Variants in SYNRG observed in about 807,000 individuals in gnomAD.
The protein encoded by SYNRG is AP1 gamma subunit binding protein 1.
SYNRG carries 37 observed loss-of-function variants against 130.9 expected under a neutral mutation model. The observed-to-expected ratio is 0.28, with a 90% CI of 0.22 to 0.37. The LOEUF is 0.37. Ranked by LOEUF, SYNRG falls within the 10% of genes least tolerant of loss-of-function variation. SYNRG has a pLI of 1.00. For synonymous variants in SYNRG, 539 were observed against 568.1 expected, an observed-to-expected ratio of 0.95 and a Z score of 0.73; for missense variants, 1,338 against 1,588.9, an observed-to-expected ratio of 0.84 and a Z score of 2.68.
intron 19 of SYNRG, among the ~76,000 whole-genome samples, chr17:37,521,597 C>T (rs968910697): frequency 2.0e-5 from 3 of 152,128 alleles, no homozygotes; most frequent in Non-Finnish European, 2.9e-5. Flanking sequence ...CCAACTGGAT[C>T]ACGACAGGCC....
chr17:37,517,527 G>C lies in SYNRG; in HGVS notation c.*1413C>G, dbSNP rs1202537087. On this transcript the variant is annotated 3_prime_UTR_variant, in exon 22 of 22. Coordinates refer to ENST00000612223, the MANE Select transcript of SYNRG (RefSeq NM_007247.6). ...CGCAGAAGGTCAAGCAGAAGCCTCAGCAACAGCTGTTTAATGAAAATGTTC... is the reference window on the plus strand; with the variant it reads ...CGCAGAAGGTCAAGCAGAAGCCTCACCAACAGCTGTTTAATGAAAATGTTC... 1.3e-5 allele frequency: 2 copies of C among 151,922 alleles called. No homozygotes were observed. The highest frequency in any genetic ancestry group is 4.8e-5 in the African/African-American group (2 of 41,328). The allele number at this position is 151,922 out of a possible 1,614,324, so 9.4% of individuals were successfully genotyped here. A position where few individuals can be genotyped will look rare whatever the true frequency, so the allele number is the denominator to read the frequency against.
chr17:37,538,287 G>T, intron 18 of SYNRG, 37 bp downstream of exon 18: 1 of 1,407,924 alleles, frequency 7.1e-7, no homozygotes, highest in Non-Finnish European at 9.8e-7. Flanking sequence ...AATGCAAAGG[G>T]CCATCATTTT....
chr17:37,527,309 C>T (rs999059147), intron 19 of SYNRG, among the ~76,000 whole-genome samples: 5 of 152,182 alleles, frequency 3.3e-5, no homozygotes, highest in African/African-American at 7.2e-5. Flanking sequence ...ACCCACTTCA[C>T]AAGATAAAAC....
rs976625062 is a variant in SYNRG at position 37,553,769 on chromosome 17, C to G, written c.1954G>C (p.Ala652Pro). The G allele has an allele frequency of 1.3e-5, 21 of 1,612,404 alleles. No individual in the cohort carries two copies. Among genetic ancestry groups the G allele is most frequent in the Non-Finnish European group, 1.7e-5 (20 of 1,179,676 alleles). The change falls in exon 14 of 22, where the codon GCT (alanine) becomes CCT (proline). Residue 652 changes from alanine to proline, a missense_variant. By Grantham distance (27) the Ala-to-Pro change is conservative. Coordinates refer to ENST00000612223, the MANE Select transcript of SYNRG (RefSeq NM_007247.6). ...GCTGCCAATGCTGTCATAGTAGCAG[C>G]AGAACCTGTTGACTGTGGTGTAGAA... ...SVSTPQSTGS[A>P]ATMTALAATK... is the part of the protein sequence containing the mutation.
At chr17:37,545,267 G>A (rs1486791954) in intron 14 of SYNRG, among the ~76,000 whole-genome samples, 4 of 151,778 alleles carry the variant, frequency 2.6e-5, no homozygotes, top group African/African-American at 4.8e-5. Flanking sequence ...GTGGTGGCAC[G>A]TGCCTGTAAT....
At chr17:37,520,400 C>A in intron 20 of SYNRG, 138 bp downstream of exon 20, 1 of 1,075,500 alleles carries the variant, frequency 9.3e-7, no homozygotes, top group Non-Finnish European at 1.4e-6. Flanking sequence ...AATGTGTCTG[C>A]TCCTACCATC....
At chr17:37,586,370 A>G in intron 4 of SYNRG, 49 bp downstream of exon 4, 1 of 1,605,222 alleles carries the variant, frequency 6.2e-7, no homozygotes, top group Non-Finnish European at 8.5e-7. Context: ...TTCTTAAGAT[A>G]GATGCTATAA....
intron 8 of SYNRG, among the ~76,000 whole-genome samples, chr17:37,575,787 G>A (rs1568448607): frequency 6.8e-6 from 1 of 147,724 alleles, no homozygotes; most frequent in Non-Finnish European, 1.5e-5. Context: ...AGGCTGCAGT[G>A]AGCCAAGATC....
intron 3 of SYNRG, among the ~76,000 whole-genome samples, chr17:37,586,791 C>G (rs1000370541): frequency 2.0e-5 from 3 of 152,190 alleles, no homozygotes; most frequent in African/African-American, 7.2e-5. Flanking sequence ...ATTCCCTTCA[C>G]TGTCCCAGAG....
intron 18 of SYNRG, among the ~76,000 whole-genome samples, chr17:37,537,706 C>T (rs1455855444): frequency 6.6e-6 from 1 of 152,050 alleles, no homozygotes; most frequent in Non-Finnish European, 1.5e-5. Flanking sequence ...GGAGAAAATC[C>T]AGCAGAGAAT....
Position 37,525,306 on chromosome 17 carries a change from A to C in SYNRG, c.3667-4658T>G, listed in dbSNP as rs190783576. ...TACATATTATATATGGCCTACTGACACTGATAAGTCCCAATGTCAGACTGA... is the reference window on the plus strand; with the variant it reads ...TACATATTATATATGGCCTACTGACCCTGATAAGTCCCAATGTCAGACTGA... On this transcript the variant is annotated intron_variant, in intron 19 of 21. Coordinates refer to ENST00000612223, the MANE Select transcript of SYNRG (RefSeq NM_007247.6). 6.6e-5 allele frequency among the ~76,000 whole-genome samples: 10 copies of C among 152,188 alleles called. No individual in the cohort carries two copies. In the East Asian group the frequency reaches 1.9e-3, roughly 29 times the overall value.
At chr17:37,563,165 A>G (rs1165894019) in intron 11 of SYNRG, among the ~76,000 whole-genome samples, 2 of 152,212 alleles carry the variant, frequency 1.3e-5, no homozygotes, top group Non-Finnish European at 2.9e-5. Flanking sequence ...AAACCACTGT[A>G]ATCACCATGA....
intron 19 of SYNRG, chr17:37,529,638 G>A: frequency 1.5e-6 from 1 of 679,050 alleles, no homozygotes; most frequent in Non-Finnish European, 2.4e-6. Flanking sequence ...TTGGGAAAAG[G>A]TACAAAAATG....
At chr17:37,545,381 T>A (rs2058190581) in intron 14 of SYNRG, among the ~76,000 whole-genome samples, 1 of 152,080 alleles carries the variant, frequency 6.6e-6, no homozygotes, top group Non-Finnish European at 1.5e-5. Context: ...GGCGACAGTT[T>A]GAGACTCTGT....
chr17:37,525,417 G>A (rs1488556800), intron 19 of SYNRG, among the ~76,000 whole-genome samples: 1 of 152,224 alleles, frequency 6.6e-6, no homozygotes, highest in Non-Finnish European at 1.5e-5. Flanking sequence ...GAGTTTGGTA[G>A]TAATTAGTGT....
chr17:37,574,361 TA>T (rs2060649191), intron 8 of SYNRG, among the ~76,000 whole-genome samples: 3 of 152,080 alleles, frequency 2.0e-5, no homozygotes, highest in Admixed American at 2.0e-4. Flanking sequence ...ATGTCTTGAG[TA>T]ATAACCCAAA....
At chr17:37,525,424 G>C (rs1320605991) in intron 19 of SYNRG, among the ~76,000 whole-genome samples, 2 of 152,218 alleles carry the variant, frequency 1.3e-5, no homozygotes, top group African/African-American at 2.4e-5. Flanking sequence ...GTAGTAATTA[G>C]TGTTCTTCAC....
At chr17:37,598,186 G>C (rs1463837821) in intron 2 of SYNRG, among the ~76,000 whole-genome samples, 2 of 152,202 alleles carry the variant, frequency 1.3e-5, no homozygotes, top group Non-Finnish European at 2.9e-5. Context: ...GTACATGTCA[G>C]GTGGTGATAA....
At chr17:37,579,179 A>T in intron 6 of SYNRG, 1 of 1,216,730 alleles carries the variant, frequency 8.2e-7, no homozygotes, top group Non-Finnish European at 1.1e-6. Flanking sequence ...GAAGTAAGGA[A>T]TTTGCCCAGG....
Sources: allele counts gnomAD v4.1 joint callset (sites outside exome capture counted in the v4.1 genomes callset), GRCh38; gene constraint gnomAD v4.1.1; transcripts MANE v1.5; gene names NCBI Gene and HGNC (gene_info 2026-07-23, HGNC 2026-07-21).